The following ARHGEF28 variants were observed in gnomAD, a reference collection of about 807,000 sequenced individuals.
ARHGEF28 encodes the protein Rho guanine nucleotide exchange factor 28.
Under a neutral mutation model 206.6 loss-of-function variants are expected in ARHGEF28, and 152 were observed. The ratio of observed to expected loss-of-function variants is 0.74; its 90% CI spans 0.64 to 0.84. ARHGEF28 has a LOEUF of 0.84. Among genes scored for constraint, ARHGEF28 ranks in the 40% least tolerant of loss-of-function variants. ARHGEF28 has a pLI of 0.00. For missense variants in ARHGEF28, 2,028 were observed against 2,073.2 expected (o/e 0.98, Z 0.42); for synonymous variants, 763 against 776.4 (o/e 0.98, Z 0.29).
At chr5:73,794,093 A>G (rs1252720942) in intron 7 of ARHGEF28, among the ~76,000 whole-genome samples, 2 of 152,228 alleles carry the variant, frequency 1.3e-5, no homozygotes, top group African/African-American at 4.8e-5. Context: ...AACTTGCGGT[A>G]GTGAGCAGCC....
rs115093697 is a variant in ARHGEF28, at chr5:73,852,705, A to G, written c.1790+13A>G. 1,721 of 1,613,074 alleles carry G rather than the reference A, an allele frequency of 1.1e-3. 12 individuals are homozygous for G. In the African/African-American group the frequency reaches 0.02, roughly 19 times the overall value. On this transcript the variant is annotated intron_variant, in intron 14 of 35. Transcript: ENST00000513042. Reference sequence around the variant, plus strand: ...CAAGAGAAAACAGGTACTTTTAACTATTCCAATTTTCCTGAGGAACTGCAT... The same window carrying G: ...CAAGAGAAAACAGGTACTTTTAACTGTTCCAATTTTCCTGAGGAACTGCAT...
At chr5:73,797,307 G>A (rs1237532473) in intron 9 of ARHGEF28, among the ~76,000 whole-genome samples, 2 of 152,190 alleles carry the variant, frequency 1.3e-5, no homozygotes, top group African/African-American at 4.8e-5. Context: ...GGGACAGCAA[G>A]CTGTGAGCAA....
At position 73,781,417 on chromosome 5, in the gene ARHGEF28, C is replaced by T. The variant is rs557264303; in HGVS notation, c.910+672C>T. 8.5e-5 allele frequency among the ~76,000 whole-genome samples: 13 copies of T among 152,290 alleles called. 1 individual carries two copies. The South Asian group carries it at 2.7e-3, about 32-fold the overall frequency. ...CATGCCACATGGAATCATTCTGATG[C>T]CCCACTTGTGCATAATACCTAGCTC... On this transcript the variant is annotated intron_variant, in intron 7 of 35. Transcript: ENST00000513042.
intron 7 of ARHGEF28, among the ~76,000 whole-genome samples, chr5:73,787,115 G>A (rs1223684675): frequency 6.6e-6 from 1 of 152,168 alleles, no homozygotes; most frequent in Non-Finnish European, 1.5e-5. Flanking sequence ...GGCTTTTTAG[G>A]AGAACTGTTG....
intron 2 of ARHGEF28, among the ~76,000 whole-genome samples, chr5:73,746,855 A>G (rs948420087): frequency 3.9e-5 from 6 of 152,036 alleles, no homozygotes; most frequent in African/African-American, 1.4e-4. Flanking sequence ...GTTTTATTGT[A>G]TGTTTTGCTT....
At chr5:73,928,600 T>C (rs2112010109) in intron 35 of ARHGEF28, among the ~76,000 whole-genome samples, 1 of 152,258 alleles carries the variant, frequency 6.6e-6, no homozygotes, top group East Asian at 1.9e-4. Context: ...CTTAAGAATT[T>C]TAACAGCTGT....
intron 1 of ARHGEF28, among the ~76,000 whole-genome samples, chr5:73,671,386 C>T (rs1349931575): frequency 6.6e-6 from 1 of 152,056 alleles, no homozygotes; most frequent in Non-Finnish European, 1.5e-5. Flanking sequence ...TGAAGAGCTA[C>T]TCCACAAGAA....
At chr5:73,798,839 G>T (rs984409257) in intron 9 of ARHGEF28, among the ~76,000 whole-genome samples, 1 of 151,934 alleles carries the variant, frequency 6.6e-6, no homozygotes, top group Non-Finnish European at 1.5e-5. Context: ...TGGAATCCCA[G>T]CACTTTGGGA....
At chr5:73,847,268 A>G (rs542536361) in intron 12 of ARHGEF28, among the ~76,000 whole-genome samples, 1 of 152,344 alleles carries the variant, frequency 6.6e-6, no homozygotes, top group South Asian at 2.1e-4. Flanking sequence ...AATATACAAA[A>G]TATGTTTTAT....
intron 9 of ARHGEF28, among the ~76,000 whole-genome samples, chr5:73,810,814 A>G (rs1237047757): frequency 6.6e-6 from 1 of 152,194 alleles, no homozygotes; most frequent in African/African-American, 2.4e-5. Context: ...AGTCTTCTGA[A>G]CGCTTTGTCA....
chr5:73,674,346 G>A (rs949545662), intron 1 of ARHGEF28, among the ~76,000 whole-genome samples: 4 of 152,326 alleles, frequency 2.6e-5, no homozygotes, highest in Middle Eastern at 3.4e-3. Flanking sequence ...CAGAGAACAT[G>A]GGATGGGATC....
At chr5:73,918,521 C>T (rs1052453192) in intron 35 of ARHGEF28, among the ~76,000 whole-genome samples, 2 of 152,178 alleles carry the variant, frequency 1.3e-5, no homozygotes, top group Admixed American at 1.3e-4. Context: ...CTCATTTGCT[C>T]TTTATAATGA....
intron 1 of ARHGEF28, among the ~76,000 whole-genome samples, chr5:73,662,702 C>G (rs1398816728): frequency 2.0e-5 from 3 of 152,066 alleles, no homozygotes; most frequent in South Asian, 4.1e-4. Context: ...ATAATGTAAG[C>G]TAAAGTATTC....
rs1751101329 is a variant in ARHGEF28 at position 73,737,863 on chromosome 5, G to A, written c.34-11974G>A. Among the ~76,000 whole-genome samples, 3 of 152,060 alleles carry A rather than the reference G, an allele frequency of 2.0e-5. No homozygotes were observed. The South Asian group carries it at 6.2e-4, about 32-fold the overall frequency. ...CTCTTCTGTAGGCTCTTGGAGCTGG[G>A]GCTGACTGACTGCTACCTGCTCTTT... On this transcript the variant is annotated intron_variant, in intron 2 of 35. Coordinates refer to ENST00000513042, the MANE Select transcript of ARHGEF28 (RefSeq NM_001177693.2).
chr5:73,669,756 A>G (rs1365316012), intron 1 of ARHGEF28, among the ~76,000 whole-genome samples: 1 of 152,192 alleles, frequency 6.6e-6, no homozygotes, highest in East Asian at 1.9e-4. Flanking sequence ...GCAGTGGCAC[A>G]GCTAGCTGCA....
At chr5:73,730,639 A>G (rs1750566519) in intron 2 of ARHGEF28, among the ~76,000 whole-genome samples, 1 of 147,442 alleles carries the variant, frequency 6.8e-6, no homozygotes, top group African/African-American at 2.5e-5. Flanking sequence ...GGCTCAGGTG[A>G]TCCTCCTACC....
chr5:73,673,609 A>G (rs1422013404), intron 1 of ARHGEF28, among the ~76,000 whole-genome samples: 1 of 152,142 alleles, frequency 6.6e-6, no homozygotes, highest in Non-Finnish European at 1.5e-5. Flanking sequence ...TCAGTTTAAT[A>G]TTTAGAGATT....
chr5:73,921,073 G>T (rs1359321301), intron 35 of ARHGEF28, among the ~76,000 whole-genome samples: 1 of 152,066 alleles, frequency 6.6e-6, no homozygotes, highest in Non-Finnish European at 1.5e-5. Context: ...CTACTTAACA[G>T]TTCAGTGCAT....
chr5:73,627,479 A>G (rs1743080089), intron 1 of ARHGEF28, among the ~76,000 whole-genome samples: 1 of 152,172 alleles, frequency 6.6e-6, no homozygotes, highest in Non-Finnish European at 1.5e-5. Context: ...TACTTTGTAC[A>G]TGACAATCCA....
Sources: gnomAD v4.1 joint callset for allele counts (sites outside exome capture counted in the v4.1 genomes callset) on GRCh38, gnomAD v4.1.1 for gene constraint, MANE v1.5 for transcripts, NCBI Gene and HGNC (gene_info 2026-07-23, HGNC 2026-07-21) for gene names.